SIPA1L2: variants seen among roughly 807,000 people sequenced by gnomAD.
The protein encoded by SIPA1L2 is signal-induced proliferation-associated 1-like protein 2.
SIPA1L2 carries 56 observed loss-of-function variants against 163.9 expected under a neutral mutation model. That is an observed-to-expected ratio of 0.34 (90% CI 0.28 to 0.43). The LOEUF (loss-of-function observed/expected upper bound fraction) is 0.43. Ranked by LOEUF, SIPA1L2 falls within the 20% of genes least tolerant of loss-of-function variation. The probability of loss-of-function intolerance (pLI) is 1.00; values close to 1 mark genes in which losing one functional copy is unlikely to be tolerated. For missense variants in SIPA1L2, 1,974 were observed against 2,193.5 expected, an observed-to-expected ratio of 0.90 and a Z score of 2.00; for synonymous variants, 877 against 865.7, an observed-to-expected ratio of 1.01 and a Z score of -0.23.
chr1:232,610,681 C>T (rs1328919604), intron 1 of SIPA1L2, among the ~76,000 whole-genome samples: 3 of 152,018 alleles, frequency 2.0e-5, no homozygotes, highest in Non-Finnish European at 4.4e-5. Flanking sequence ...GACACTAGGC[C>T]GCCAGAAGAG....
chr1:232,452,450 T>C (rs1281306535), intron 10 of SIPA1L2, among the ~76,000 whole-genome samples: 3 of 152,016 alleles, frequency 2.0e-5, no homozygotes, highest in Non-Finnish European at 4.4e-5. Flanking sequence ...TGCCAAGTAC[T>C]GTAGTGTATG....
At chr1:232,563,453 AGT>A (rs1659159186) in intron 2 of SIPA1L2, among the ~76,000 whole-genome samples, 1 of 152,182 alleles carries the variant, frequency 6.6e-6, no homozygotes, top group South Asian at 2.1e-4. Flanking sequence ...ACATTTCTAT[AGT>A]ATACACTGCC....
chr1:232,611,988 C>T (rs950662365), intron 1 of SIPA1L2, among the ~76,000 whole-genome samples: 81 of 152,300 alleles, frequency 5.3e-4, no homozygotes, highest in Non-Finnish European at 1.9e-4. Flanking sequence ...CCGTGTGCAG[C>T]TTACAGACTT....
Position 232,432,471 on chromosome 1 carries a change from A to G in SIPA1L2, c.4032T>C (p.Ser1344=). 1 of 1,613,668 alleles carries G rather than the reference A, an allele frequency of 6.2e-7. No homozygotes were observed. Among genetic ancestry groups the G allele is most frequent in the Non-Finnish European group, 8.5e-7 (1 of 1,179,524 alleles). ...GDLSEISSHS[S]GSHHSGSPSA... is the part of the protein sequence containing the mutation. Reference sequence around the variant, plus strand: ...AAGGGCTTCCTGAATGGTGAGAACCACTGAGGAGAAAAACAGACAAAAGCT... The same window carrying G: ...AAGGGCTTCCTGAATGGTGAGAACCGCTGAGGAGAAAAACAGACAAAAGCT... Residue 1344 remains serine, a splice_region_variant and synonymous_variant, in exon 16 of 23, where the codon AGT becomes AGC. Coordinates refer to ENST00000674635, the MANE Select transcript of SIPA1L2 (RefSeq NM_020808.5).
At chr1:232,499,586 C>T (rs542839160) in intron 3 of SIPA1L2, among the ~76,000 whole-genome samples, 2 of 152,342 alleles carry the variant, frequency 1.3e-5, no homozygotes, top group Middle Eastern at 3.4e-3. Context: ...AAGCTATCTC[C>T]ACGCGGTAAG....
chr1:232,431,868 T>C (rs1003419661), intron 16 of SIPA1L2, among the ~76,000 whole-genome samples: 1 of 152,232 alleles, frequency 6.6e-6, no homozygotes, highest in African/African-American at 2.4e-5. Flanking sequence ...AGAAAAATAC[T>C]TTTTGTTTTA....
chr1:232,562,599 A>C (rs1343438222), intron 2 of SIPA1L2, among the ~76,000 whole-genome samples: 1 of 152,222 alleles, frequency 6.6e-6, no homozygotes, highest in East Asian at 1.9e-4. Flanking sequence ...ATAACCTAAT[A>C]CTTTTTCACC....
rs773334437 is a variant in SIPA1L2, at chr1:232,514,953, C to T, written c.387G>A (p.Gln129=). Residue 129 remains glutamine (Q), a synonymous_variant, in exon 3 of 23, where the codon CAG becomes CAA. Transcript: ENST00000674635. ...TGGCCTCCACGAAGTCCAGATCGAG[C>T]TGTTCATCTTGCTGACCTTCACTCT... ...SDQSEGQQDE[Q]LDLDFVEAKY... is the part of the protein sequence containing the mutation. 3.7e-5 allele frequency: 59 copies of T among 1,614,024 alleles called. No homozygotes were observed. Among genetic ancestry groups the T allele is most frequent in the African/African-American group, 1.3e-5 (1 of 74,932 alleles).
In SIPA1L2 at chr1:232,513,890, C is replaced by T. The variant is rs748477560; in HGVS notation, c.1450G>A (p.Ala484Thr). ...TAGAAGAATTTGCGGTAATAATAGG[C>T]CCCAAGGTCAATGTGTTCTATGATG... ...RYIIEHIDLG[A>T]YYYRKFFYGK... Residue 484 changes from alanine to threonine, a missense_variant, in exon 3 of 23, where the codon GCC (alanine) becomes ACC (threonine). Transcript: ENST00000674635. 1.9e-6 allele frequency: 3 copies of T among 1,599,946 alleles called. No homozygotes were observed. The highest frequency in any genetic ancestry group is 1.7e-5 in the Admixed American group (1 of 57,216).
At chr1:232,616,622 G>A (rs146357546) in intron 1 of SIPA1L2, among the ~76,000 whole-genome samples, 460 of 152,266 alleles carry the variant, frequency 3.0e-3, no homozygotes, top group African/African-American at 0.01. Context: ...CTACCTGTCC[G>A]GACTTTGGGC....
At chr1:232,566,705 G>A (rs1208708187) in intron 2 of SIPA1L2, among the ~76,000 whole-genome samples, 1 of 152,040 alleles carries the variant, frequency 6.6e-6, no homozygotes, top group Non-Finnish European at 1.5e-5. Flanking sequence ...TTGAAGATTC[G>A]GCAAAACAGA....
At chr1:232,459,576 G>A (rs750419229) in intron 10 of SIPA1L2, among the ~76,000 whole-genome samples, 1 of 152,062 alleles carries the variant, frequency 6.6e-6, no homozygotes, top group Admixed American at 6.6e-5. Flanking sequence ...ACAGAGGCAC[G>A]ATCTCAGCTC....
chr1:232,475,335 G>C (rs997161986), intron 7 of SIPA1L2, among the ~76,000 whole-genome samples: 2 of 152,186 alleles, frequency 1.3e-5, no homozygotes, highest in African/African-American at 2.4e-5. Flanking sequence ...CCTTCACCCA[G>C]AGGGTTGGCT....
intron 1 of SIPA1L2, among the ~76,000 whole-genome samples, chr1:232,625,737 GA>G (rs1573194576): frequency 6.6e-6 from 1 of 152,072 alleles, no homozygotes; most frequent in East Asian, 1.9e-4. Context: ...AGTAGAATTT[GA>G]ATAAACAAGC....
At chr1:232,508,574 C>G (rs551803687) in intron 3 of SIPA1L2, among the ~76,000 whole-genome samples, 2 of 152,180 alleles carry the variant, frequency 1.3e-5, no homozygotes, top group Admixed American at 6.5e-5. Context: ...CATGACTGAC[C>G]GTGGTCAAGC....
intron 2 of SIPA1L2, among the ~76,000 whole-genome samples, chr1:232,558,813 C>T (rs1045031145): frequency 6.6e-6 from 1 of 152,096 alleles, no homozygotes; most frequent in African/African-American, 2.4e-5. Context: ...CACTTTTAGT[C>T]AATAGTAGTT....
chr1:232,584,803 G>C (rs974467220), intron 1 of SIPA1L2, among the ~76,000 whole-genome samples: 2 of 152,182 alleles, frequency 1.3e-5, no homozygotes, highest in Non-Finnish European at 2.9e-5. Context: ...AGGTCAACCA[G>C]ACAGAAGAAA....
At position 232,487,557 on chromosome 1, in the gene SIPA1L2, T is replaced by C. The variant is rs529468724; in HGVS notation, c.1806+3317A>G. On this transcript the variant is annotated intron_variant, in intron 5 of 22. Transcript: ENST00000674635. The stretch of plus-strand genomic sequence containing the variant: ...AGTGAGCTGTCATAATTCGTCTAAA[T>C]AACACTTTGTTTACAGTCATCCTCT... Among the ~76,000 whole-genome samples, 6 of 152,322 alleles carry C rather than the reference T, an allele frequency of 3.9e-5. No homozygotes were observed. The East Asian group carries it at 1.2e-3, about 29-fold the overall frequency.
intron 2 of SIPA1L2, among the ~76,000 whole-genome samples, chr1:232,538,318 G>A (rs1558253516): frequency 6.6e-6 from 1 of 152,116 alleles, no homozygotes; most frequent in Non-Finnish European, 1.5e-5. Flanking sequence ...GATGAGGAAG[G>A]TCTCCTAACC....
Sources: gnomAD v4.1 joint callset for allele counts (sites outside exome capture counted in the v4.1 genomes callset) on GRCh38, gnomAD v4.1.1 for gene constraint, MANE v1.5 for transcripts, NCBI Gene and HGNC (gene_info 2026-07-23, HGNC 2026-07-21) for gene names.